Variants in SCAI observed in about 807,000 individuals in gnomAD.
SCAI encodes the protein protein SCAI.
Under a neutral mutation model 92.2 loss-of-function variants are expected in SCAI, and 24 were observed. The observed-to-expected ratio is 0.26, with a 90% confidence interval of 0.19 to 0.37. The LOEUF (loss-of-function observed/expected upper bound fraction) is 0.37. SCAI is among the 10% of genes least tolerant of loss of function. SCAI has a pLI of 1.00. For missense variants in SCAI, 450 were observed against 736.2 expected, an observed-to-expected ratio of 0.61 and a Z score of 4.50; for synonymous variants, 261 against 258.6, an observed-to-expected ratio of 1.01 and a Z score of -0.09.
At chr9:124,988,922 G>T (rs1406806800) in intron 14 of SCAI, among the ~76,000 whole-genome samples, 1 of 151,984 alleles carries the variant, frequency 6.6e-6, no homozygotes, top group African/African-American at 2.4e-5. Flanking sequence ...GGTGGATCAC[G>T]AGGTCAGGAG....
intron 2 of SCAI, 166 bp downstream of exon 2, chr9:125,142,467 G>C: frequency 1.8e-6 from 1 of 557,108 alleles, no homozygotes; most frequent in Non-Finnish European, 3.2e-6. Context: ...TGTAGAGGTA[G>C]TAATTTGAAG....
At chr9:125,049,565 T>C (rs1425067731) in intron 3 of SCAI, among the ~76,000 whole-genome samples, 2 of 152,254 alleles carry the variant, frequency 1.3e-5, no homozygotes, top group African/African-American at 4.8e-5. Context: ...ATTCTTATTT[T>C]TCTGGATTAT....
chr9:125,016,248 C>T (rs1341359603), intron 9 of SCAI, among the ~76,000 whole-genome samples: 6 of 149,838 alleles, frequency 4.0e-5, no homozygotes, highest in Admixed American at 2.0e-4. Flanking sequence ...ATTAACCGGG[C>T]GTGGTGGCAC....
chr9:125,001,365 T>C (rs1299152000), intron 12 of SCAI, among the ~76,000 whole-genome samples: 2 of 152,252 alleles, frequency 1.3e-5, no homozygotes, highest in East Asian at 3.8e-4. Context: ...CCAAGTTACT[T>C]ATCTATTCTG....
At chr9:125,074,771 G>A (rs1286870807) in intron 2 of SCAI, among the ~76,000 whole-genome samples, 8 of 151,710 alleles carry the variant, frequency 5.3e-5, no homozygotes, top group East Asian at 3.9e-4. Context: ...TTGGGAGGCC[G>A]AGGTGGGCAG....
intron 17 of SCAI, among the ~76,000 whole-genome samples, chr9:124,970,472 G>A (rs1444182159): frequency 1.3e-5 from 2 of 151,870 alleles, no homozygotes; most frequent in African/African-American, 4.8e-5. Context: ...TAATCCCAGC[G>A]CTTTGGAAGG....
At chr9:125,011,813 T>C (rs1832647058) in intron 9 of SCAI, among the ~76,000 whole-genome samples, 2 of 152,196 alleles carry the variant, frequency 1.3e-5, no homozygotes, top group South Asian at 4.1e-4. Context: ...GGGAAGCCCA[T>C]CAGACTAACA....
chr9:124,964,650 C>G (rs932155785), intron 17 of SCAI, among the ~76,000 whole-genome samples: 3 of 152,144 alleles, frequency 2.0e-5, no homozygotes, highest in Admixed American at 6.5e-5. Context: ...GCAAGTAGGC[C>G]ACTTTGATAC....
chr9:125,004,767 ATATATATATATATTTTTTT>A (rs1832458396), intron 9 of SCAI, among the ~76,000 whole-genome samples: 1 of 7,466 alleles, frequency 1.3e-4, no homozygotes, highest in East Asian at 4.1e-3. Flanking sequence ...ATATATATAT[ATATATATATATATTTTTTT>A]TTTTTTTTTT....
intron 2 of SCAI, among the ~76,000 whole-genome samples, chr9:125,103,436 T>G (rs559638869): frequency 6.6e-6 from 1 of 152,324 alleles, no homozygotes; most frequent in African/African-American, 2.4e-5. Context: ...GATGGCAGAT[T>G]TTTAATAAAA....
intron 12 of SCAI, 146 bp from the exon 13 acceptor site, chr9:125,000,136 A>T (rs1832326338): frequency 2.2e-6 from 1 of 459,890 alleles, no homozygotes; most frequent in African/African-American, 2.0e-5. Flanking sequence ...TAACATTTTA[A>T]TTTAATGGAG....
chr9:125,099,600 C>T (rs985250313), intron 2 of SCAI, among the ~76,000 whole-genome samples: 13 of 152,112 alleles, frequency 8.5e-5, no homozygotes, highest in Admixed American at 3.9e-4. Flanking sequence ...AAATACAAAC[C>T]TTATGTTTAA....
chr9:125,111,555 G>GA (rs943073837), intron 2 of SCAI, among the ~76,000 whole-genome samples: 1 of 143,420 alleles, frequency 7.0e-6, no homozygotes, highest in African/African-American at 2.5e-5. Context: ...CTTTTTTTGT[G>GA]AAAATTTTTT....
intron 2 of SCAI, among the ~76,000 whole-genome samples, chr9:125,118,863 C>G (rs6478695): frequency 0.41 from 62,424 of 152,062 alleles, 13,174 homozygotes; most frequent in East Asian, 0.53. Context: ...ATCCATGTCC[C>G]TGCAAAGGAC....
Position 124,952,966 on chromosome 9 carries a change from G to C in SCAI, c.1675-13C>G. 6.2e-7 allele frequency: 1 copy of C among 1,612,134 alleles called. No homozygotes were observed. Among genetic ancestry groups the C allele is most frequent in the South Asian group, 1.1e-5 (1 of 90,740 alleles). ...AATTTCGTGTTTCCTGGTAGGCAAA[G>C]AAGAGAAAAGTCAAGTTTTGTAGTC... On this transcript the variant is annotated splice_polypyrimidine_tract_variant and intron_variant, in intron 17 of 17. Coordinates refer to ENST00000336505, the MANE Select transcript of SCAI (RefSeq NM_001144877.3).
intron 2 of SCAI, among the ~76,000 whole-genome samples, chr9:125,087,986 T>C (rs1457524974): frequency 6.6e-6 from 1 of 152,204 alleles, no homozygotes; most frequent in Non-Finnish European, 1.5e-5. Context: ...TTGTTGAAGT[T>C]AGGTGATGAG....
chr9:124,971,573 G>T, intron 16 of SCAI, 98 bp downstream of exon 16: 1 of 1,382,514 alleles, frequency 7.2e-7, no homozygotes, highest in South Asian at 1.3e-5. Flanking sequence ...TCCTGCCTGG[G>T]ACACATACCT....
At chr9:125,062,277 C>A (rs571687328) in intron 2 of SCAI, among the ~76,000 whole-genome samples, 1 of 151,516 alleles carries the variant, frequency 6.6e-6, no homozygotes, top group Non-Finnish European at 1.5e-5. Context: ...AGGCACACCA[C>A]CATGCTCGGC....
chr9:125,128,150 C>A (rs1174872164), intron 2 of SCAI, among the ~76,000 whole-genome samples: 1 of 152,044 alleles, frequency 6.6e-6, no homozygotes, highest in African/African-American at 2.4e-5. Context: ...CCCATCAATA[C>A]AAACAATTTT....
Sources: gnomAD v4.1 joint callset for allele counts (sites outside exome capture counted in the v4.1 genomes callset) on GRCh38, gnomAD v4.1.1 for gene constraint, MANE v1.5 for transcripts, NCBI Gene and HGNC (gene_info 2026-07-23, HGNC 2026-07-21) for gene names.